The following NPR3 variants were observed in gnomAD, a reference collection of about 807,000 sequenced individuals.
NPR3 encodes the protein natriuretic peptide receptor 3, also known as atrial natriuretic peptide receptor 3.
Under a neutral mutation model 54.5 loss-of-function variants are expected in NPR3, and 34 were observed. The observed-to-expected ratio is 0.62, with a 90% CI of 0.47 to 0.83. The LOEUF is 0.83. Ranked by LOEUF, NPR3 falls within the 40% of genes least tolerant of loss-of-function variation. NPR3 has a pLI of 0.00. For missense variants in NPR3, 674 were observed against 720.8 expected (o/e 0.94, Z 0.74); for synonymous variants, 289 against 297.1 (o/e 0.97, Z 0.28).
chr5:32,782,330 A>G (rs1210678818), intron 5 of NPR3, among the ~76,000 whole-genome samples: 1 of 150,278 alleles, frequency 6.7e-6, no homozygotes, highest in African/African-American at 2.5e-5. Flanking sequence ...TAAATCGGGT[A>G]TACGGTGGAC....
intron 3 of NPR3, among the ~76,000 whole-genome samples, chr5:32,772,251 G>A (rs1329381304): frequency 1.3e-5 from 2 of 152,226 alleles, no homozygotes; most frequent in Non-Finnish European, 2.9e-5. Context: ...CCCAGGAACT[G>A]TTTGGGTGTT....
chr5:32,782,813 G>C (rs913161428), intron 5 of NPR3, 80 bp from the exon 6 acceptor site: 8 of 1,354,226 alleles, frequency 5.9e-6, no homozygotes, highest in Non-Finnish European at 8.0e-6. Flanking sequence ...GTACATTTTG[G>C]GGAATAGCTG....
chr5:32,757,125 T>C (rs1740888870), intron 3 of NPR3, among the ~76,000 whole-genome samples: 1 of 152,226 alleles, frequency 6.6e-6, no homozygotes, highest in Non-Finnish European at 1.5e-5. Flanking sequence ...AAGTAGTTTT[T>C]TCCAATTCTG....
chr5:32,759,782 C>G (rs1741055698), intron 3 of NPR3, among the ~76,000 whole-genome samples: 1 of 152,134 alleles, frequency 6.6e-6, no homozygotes, highest in Admixed American at 6.5e-5. Flanking sequence ...CCTTCAGGAG[C>G]TCTTGTAAGG....
chr5:32,713,565 CTGG>C, intron 1 of NPR3: 3 of 778,822 alleles, frequency 3.9e-6, no homozygotes, highest in Non-Finnish European at 4.7e-6. Flanking sequence ...GCTCACGCGC[CTGG>C]AATGTGAGTG....
At chr5:32,735,346 C>G (rs1421286927) in intron 2 of NPR3, among the ~76,000 whole-genome samples, 2 of 152,118 alleles carry the variant, frequency 1.3e-5, no homozygotes, top group Non-Finnish European at 2.9e-5. Context: ...TTGTCCCTCA[C>G]TCCCTTACTG....
intron 1 of NPR3, among the ~76,000 whole-genome samples, chr5:32,697,854 G>A (rs1318494594): frequency 6.6e-6 from 1 of 151,866 alleles, no homozygotes; most frequent in Non-Finnish European, 1.5e-5. Flanking sequence ...TTTCATCTCT[G>A]ATTTTATTTA....
At chr5:32,731,964 G>A (rs946434874) in intron 2 of NPR3, among the ~76,000 whole-genome samples, 30 of 152,166 alleles carry the variant, frequency 2.0e-4, no homozygotes, top group Admixed American at 7.9e-4. Context: ...ATTCTCGGCC[G>A]GGCGCGGTGG....
intron 1 of NPR3, among the ~76,000 whole-genome samples, chr5:32,700,191 T>A (rs899533633): frequency 3.3e-5 from 5 of 152,140 alleles, no homozygotes; most frequent in Non-Finnish European, 1.5e-5. Flanking sequence ...GGGTTAAATC[T>A]GCTTGGTGTT....
chr5:32,695,414 G>A (rs1740500394), intron 1 of NPR3, among the ~76,000 whole-genome samples: 1 of 152,134 alleles, frequency 6.6e-6, no homozygotes, highest in African/African-American at 2.4e-5. Context: ...ACAGGTGCCC[G>A]CCACCACGCC....
chr5:32,694,370 A>G (rs537865655), intron 1 of NPR3, among the ~76,000 whole-genome samples: 1 of 152,234 alleles, frequency 6.6e-6, no homozygotes, highest in Non-Finnish European at 1.5e-5. Context: ...TGTTGATTCC[A>G]TAAGCATTTA....
intron 3 of NPR3, among the ~76,000 whole-genome samples, chr5:32,743,543 GA>G (rs1365304110): frequency 1.3e-5 from 2 of 152,176 alleles, no homozygotes; most frequent in Non-Finnish European, 2.9e-5. Context: ...TGCATTAGTA[GA>G]TGTTTCTGAT....
chr5:32,720,543 G>T (rs1402758199), intron 1 of NPR3, among the ~76,000 whole-genome samples: 2 of 152,220 alleles, frequency 1.3e-5, no homozygotes, highest in African/African-American at 4.8e-5. Context: ...GGAACCAGAT[G>T]ATGGAGGGTG....
In NPR3 at chr5:32,711,445, A is replaced by T; in HGVS notation, c.-332A>T. 9.4e-7 allele frequency: 1 copy of T among 1,067,440 alleles called. No individual in the cohort carries two copies. Among genetic ancestry groups the T allele is most frequent in the Non-Finnish European group, 1.1e-6 (1 of 884,928 alleles). The allele number at this position is 1,067,440 out of a possible 1,614,324, so 66.1% of individuals were successfully genotyped here. ...AAGCAACCTTAGCAACGCCCAAATA[A>T]GAAGCCACCTCTAAGCAAAATAGTA... On this transcript the variant is annotated 5_prime_UTR_variant, in exon 1 of 8. In the 5' UTR this introduces an upstream ATG that the reference lacks. Transcript: ENST00000265074.
chr5:32,697,869 G>A (rs1245007910), intron 1 of NPR3, among the ~76,000 whole-genome samples: 1 of 151,510 alleles, frequency 6.6e-6, no homozygotes, highest in African/African-American at 2.4e-5. Flanking sequence ...TATTTATTCA[G>A]GTATTCTCTT....
intron 3 of NPR3, among the ~76,000 whole-genome samples, chr5:32,764,193 C>T (rs1741323146): frequency 6.6e-6 from 1 of 152,082 alleles, no homozygotes; most frequent in Non-Finnish European, 1.5e-5. Flanking sequence ...AGGGATTTAC[C>T]ATGGACAGCA....
rs368646143 is a variant in NPR3, at chr5:32,734,850, C to T, written c.893-4014C>T. Among the ~76,000 whole-genome samples the T allele has an allele frequency of 6.6e-5, 10 of 152,248 alleles. No individual in the cohort carries two copies. In the East Asian group the frequency reaches 7.7e-4, roughly 12 times the overall value. On this transcript the variant is annotated intron_variant, in intron 2 of 7. Transcript: ENST00000265074. ...TAGTGGCTCCTCTGTGAGACAGCAC[C>T]GCTCTAGAGCATTCGATCTTGTTGC...
intron 2 of NPR3, among the ~76,000 whole-genome samples, chr5:32,727,014 T>A (rs1474217482): frequency 6.6e-6 from 1 of 152,246 alleles, no homozygotes; most frequent in Non-Finnish European, 1.5e-5. Context: ...AATGCTGTGT[T>A]GAGTGTACAT....
intron 1 of NPR3, among the ~76,000 whole-genome samples, chr5:32,691,747 G>A (rs920809144): frequency 2.0e-5 from 3 of 152,142 alleles, no homozygotes; most frequent in Admixed American, 2.0e-4. Flanking sequence ...GTCTAAAAGG[G>A]GACACCGATG....
Sources: allele counts gnomAD v4.1 joint callset (sites outside exome capture counted in the v4.1 genomes callset), GRCh38; gene constraint gnomAD v4.1.1; transcripts MANE v1.5; gene names NCBI Gene and HGNC (gene_info 2026-07-23, HGNC 2026-07-21).